Variants in CYP2R1 observed in about 807,000 individuals in gnomAD.
The protein encoded by CYP2R1 is cytochrome P450 family 2 subfamily R member 1.
In CYP2R1, 40 loss-of-function variants were observed where a neutral mutation model predicts 45.7. The observed-to-expected ratio is 0.87, with a 90% CI of 0.68 to 1.14. The LOEUF is 1.14. Ranked by LOEUF, CYP2R1 falls within the 50% of genes most tolerant of loss-of-function variation. CYP2R1 has a pLI of 0.00. For synonymous variants in CYP2R1, 234 were observed against 219.3 expected (o/e 1.07, Z -0.59); for missense variants, 605 against 602.6 (o/e 1.00, Z -0.04).
intron 3 of CYP2R1, 135 bp downstream of exon 3, chr11:14,880,001 C>T: frequency 1.2e-6 from 1 of 853,692 alleles, no homozygotes; most frequent in African/African-American, 1.7e-5. Context: ...TTTTTTGTAA[C>T]TATTAAATAT....
chr11:14,883,849 C>A (rs1358323770), intron 2 of CYP2R1, among the ~76,000 whole-genome samples: 1 of 151,832 alleles, frequency 6.6e-6, no homozygotes, highest in East Asian at 1.9e-4. Flanking sequence ...AAAAAAACAA[C>A]CCCATCAACA....
intron 1 of CYP2R1, chr11:14,890,399 GGT>G: frequency 1.1e-6 from 1 of 899,432 alleles, no homozygotes; most frequent in Non-Finnish European, 1.3e-6. Context: ...GAGAATTGCA[GGT>G]TGGAAAATAA....
intron 1 of CYP2R1, chr11:14,891,673 G>A (rs1472045509): frequency 5.2e-6 from 6 of 1,164,714 alleles, no homozygotes; most frequent in Non-Finnish European, 6.4e-6. Flanking sequence ...GGCGCGGCTG[G>A]CGAGCCAAAC....
chr11:14,892,194 A>T lies in CYP2R1; in HGVS notation c.12T>A (p.Leu4=), dbSNP rs782462154. The change falls in exon 1 of 5, where the codon CTT becomes CTA. Residue 4 remains leucine, a synonymous_variant. Transcript: ENST00000334636. MWK[L]WRAEEGAAAL... ...CCGCCGCGCCCTCTTCAGCTCTCCA[A>T]AGCTTCCACATCGGCCCGAGCTGGA... 1 of 1,609,982 alleles carries T rather than the reference A, an allele frequency of 6.2e-7. No individual in the cohort carries two copies. Among genetic ancestry groups the T allele is most frequent in the Non-Finnish European group, 8.5e-7 (1 of 1,179,700 alleles).
chr11:14,891,811 G>A, intron 1 of CYP2R1, 170 bp downstream of exon 1: 4 of 1,422,224 alleles, frequency 2.8e-6, no homozygotes, highest in Non-Finnish European at 3.7e-6. Context: ...ACGGCGTCGA[G>A]GACTTCTCCC....
At chr11:14,887,715 C>A in intron 1 of CYP2R1, 8 of 800,860 alleles carry the variant, frequency 1.0e-5, no homozygotes, top group Non-Finnish European at 1.1e-5. Flanking sequence ...CAGTTAATGA[C>A]CACTCCATAC....
intron 1 of CYP2R1, among the ~76,000 whole-genome samples, chr11:14,889,985 C>T (rs973212756): frequency 5.3e-5 from 8 of 151,844 alleles, no homozygotes; most frequent in African/African-American, 9.7e-5. Context: ...AAAAATTAGC[C>T]GGGCGTGGTG....
chr11:14,892,190 T>C lies in CYP2R1; in HGVS notation c.16A>G (p.Arg6Gly). MWKLW[R>G]AEEGAAALGG... ...AGCGCCGCCGCGCCCTCTTCAGCTCTCCAAAGCTTCCACATCGGCCCGAGC... is the reference window on the plus strand; with the variant it reads ...AGCGCCGCCGCGCCCTCTTCAGCTCCCCAAAGCTTCCACATCGGCCCGAGC... The change falls in exon 1 of 5, where the codon AGA becomes GGA. Residue 6 changes from arginine (R) to glycine (G), a missense_variant. Coordinates refer to ENST00000334636, the MANE Select transcript of CYP2R1 (RefSeq NM_024514.5). 6.2e-7 allele frequency: 1 copy of C among 1,610,090 alleles called. No homozygotes were observed. Among genetic ancestry groups the C allele is most frequent in the Non-Finnish European group, 8.5e-7 (1 of 1,179,722 alleles).
chr11:14,884,136 A>T (rs1309685708), intron 2 of CYP2R1, among the ~76,000 whole-genome samples: 4 of 152,020 alleles, frequency 2.6e-5, no homozygotes, highest in Admixed American at 2.0e-4. Context: ...TTCCTCAGGG[A>T]TCTAGAACTA....
chr11:14,879,956 T>C (rs187802464), intron 3 of CYP2R1, among the ~76,000 whole-genome samples, 180 bp downstream of exon 3: 2 of 152,246 alleles, frequency 1.3e-5, no homozygotes, highest in Admixed American at 1.3e-4. Flanking sequence ...CAGAGATTTT[T>C]TTTACATGAA....
intron 4 of CYP2R1, 123 bp from the exon 5 acceptor site, chr11:14,878,420 T>G: frequency 1.1e-6 from 1 of 931,320 alleles, no homozygotes; most frequent in South Asian, 1.6e-5. Context: ...GAACTATGTT[T>G]ATTAAAGGAT....
intron 1 of CYP2R1, among the ~76,000 whole-genome samples, chr11:14,888,918 C>G (rs1848720550): frequency 6.6e-6 from 1 of 152,156 alleles, no homozygotes; most frequent in Non-Finnish European, 1.5e-5. Flanking sequence ...CCAGGGAATG[C>G]CTCTTGAAAT....
chr11:14,887,991 T>C (rs1397095586), intron 1 of CYP2R1, among the ~76,000 whole-genome samples: 1 of 152,244 alleles, frequency 6.6e-6, no homozygotes, highest in East Asian at 1.9e-4. Flanking sequence ...TCTTGCTTTA[T>C]GGCCTTTGTT....
At chr11:14,891,657 A>G (rs1848863004) in intron 1 of CYP2R1, 17 of 1,157,234 alleles carry the variant, frequency 1.5e-5, no homozygotes, top group Non-Finnish European at 1.8e-5. Context: ...CTGGACCTGA[A>G]GTGGCGGCGC....
intron 1 of CYP2R1, chr11:14,887,051 G>A (rs975171957): frequency 6.6e-6 from 1 of 152,268 alleles, no homozygotes; most frequent in Non-Finnish European, 1.5e-5. Flanking sequence ...AGTGACAGTA[G>A]AAGAGTTCTA....
intron 1 of CYP2R1, among the ~76,000 whole-genome samples, chr11:14,888,922 T>C (rs138694023): frequency 1.6e-4 from 25 of 152,332 alleles, no homozygotes; most frequent in Middle Eastern, 6.8e-3. Flanking sequence ...GGAATGCCTC[T>C]TGAAATCTAG....
intron 1 of CYP2R1, 102 bp from the exon 2 acceptor site, chr11:14,886,019 T>TA (rs1555014543): frequency 8.6e-7 from 1 of 1,161,448 alleles, no homozygotes; most frequent in African/African-American, 1.5e-5. Flanking sequence ...CAGGATTTGT[T>TA]ACGTCCCTGA....
intron 1 of CYP2R1, chr11:14,886,492 A>G (rs1400574446): frequency 1.3e-5 from 2 of 154,108 alleles, no homozygotes; most frequent in East Asian, 3.8e-4. Context: ...AGGGAACCTA[A>G]CCTTGGAGGA....
intron 2 of CYP2R1, among the ~76,000 whole-genome samples, chr11:14,882,281 T>C (rs1165789045): frequency 2.0e-5 from 3 of 152,046 alleles, no homozygotes; most frequent in African/African-American, 7.3e-5. Context: ...AAATAAATTA[T>C]ACAGCACGTA....
Sources: allele counts gnomAD v4.1 joint callset (sites outside exome capture counted in the v4.1 genomes callset), GRCh38; gene constraint gnomAD v4.1.1; transcripts MANE v1.5; gene names NCBI Gene and HGNC (gene_info 2026-07-23, HGNC 2026-07-21).